Variants in DGKI observed in about 807,000 individuals in gnomAD.
The protein encoded by DGKI is diacylglycerol kinase iota.
Under a neutral mutation model 147.5 loss-of-function variants are expected in DGKI, and 55 were observed. That is an observed-to-expected ratio of 0.37 (90% CI 0.30 to 0.47). The LOEUF is 0.47. Ranked by LOEUF, DGKI falls within the 20% of genes least tolerant of loss-of-function variation. The pLI, the probability that DGKI is intolerant of heterozygous loss-of-function variation, is 1.00. For missense variants in DGKI, 1,007 were observed against 1,323.8 expected (o/e 0.76, Z 3.71); for synonymous variants, 469 against 477.1 (o/e 0.98, Z 0.22).
intron 27 of DGKI, chr7:137,453,253 G>C (rs1326764827): frequency 6.6e-6 from 1 of 152,162 alleles, no homozygotes; most frequent in Non-Finnish European, 1.5e-5. Flanking sequence ...CTTCCCTTGA[G>C]CATCTCTCAA....
intron 27 of DGKI, among the ~76,000 whole-genome samples, chr7:137,453,824 T>C (rs1814073260): frequency 6.6e-6 from 1 of 152,174 alleles, no homozygotes; most frequent in Admixed American, 6.5e-5. Context: ...TACAAATTTC[T>C]ACCAATTCCC....
At chr7:137,533,834 C>G (rs1817426170) in intron 20 of DGKI, among the ~76,000 whole-genome samples, 1 of 151,850 alleles carries the variant, frequency 6.6e-6, no homozygotes, top group Non-Finnish European at 1.5e-5. Flanking sequence ...TATAATGGCC[C>G]AAGATGAAAA....
chr7:137,803,287 TC>T (rs1398264335), intron 1 of DGKI, among the ~76,000 whole-genome samples: 3 of 152,176 alleles, frequency 2.0e-5, no homozygotes, highest in African/African-American at 7.2e-5. Flanking sequence ...GGGGCTGTGA[TC>T]ACTCTTCAGA....
At chr7:137,752,173 G>C (rs1056494383) in intron 1 of DGKI, among the ~76,000 whole-genome samples, 3 of 152,064 alleles carry the variant, frequency 2.0e-5, no homozygotes, top group Admixed American at 1.3e-4. Flanking sequence ...AAAGTTGTGG[G>C]GGGAGCAAAG....
intron 21 of DGKI, among the ~76,000 whole-genome samples, chr7:137,509,738 C>T (rs1816512213): frequency 2.0e-5 from 3 of 152,030 alleles, no homozygotes; most frequent in Admixed American, 2.0e-4. Context: ...GTGTTATAGA[C>T]AGAATTGGGG....
chr7:137,644,291 A>G (rs1017454066), intron 6 of DGKI, among the ~76,000 whole-genome samples: 3 of 152,226 alleles, frequency 2.0e-5, no homozygotes, highest in African/African-American at 7.2e-5. Flanking sequence ...TTTACAGGAT[A>G]AAAGAGAACC....
chr7:137,470,207 T>A (rs1814826260), intron 23 of DGKI, among the ~76,000 whole-genome samples: 1 of 152,198 alleles, frequency 6.6e-6, no homozygotes, highest in Non-Finnish European at 1.5e-5. Context: ...GGTTAACTCA[T>A]GACAAAATCA....
intron 23 of DGKI, among the ~76,000 whole-genome samples, chr7:137,483,865 A>T (rs1189070639): frequency 6.6e-6 from 1 of 151,984 alleles, no homozygotes; most frequent in Admixed American, 6.6e-5. Flanking sequence ...ATTTGGGTTG[A>T]TTCCATGTCT....
At chr7:137,633,450 A>G (rs1821205925) in intron 6 of DGKI, among the ~76,000 whole-genome samples, 1 of 152,200 alleles carries the variant, frequency 6.6e-6, no homozygotes, top group Admixed American at 6.5e-5. Context: ...AATCAATGTC[A>G]CATTCTTAAG....
intron 1 of DGKI, among the ~76,000 whole-genome samples, chr7:137,737,763 T>C (rs2116693511): frequency 6.6e-6 from 1 of 152,210 alleles, no homozygotes; most frequent in South Asian, 2.1e-4. Context: ...CAAATCAATC[T>C]GGAATTAAGC....
At chr7:137,742,399 C>T (rs192542855) in intron 1 of DGKI, among the ~76,000 whole-genome samples, 1 of 152,156 alleles carries the variant, frequency 6.6e-6, no homozygotes, top group Non-Finnish European at 1.5e-5. Context: ...AAGCAGAGAA[C>T]CTCAAATTTG....
chr7:137,813,116 G>C (rs968144096), intron 1 of DGKI, among the ~76,000 whole-genome samples: 3 of 152,144 alleles, frequency 2.0e-5, no homozygotes, highest in African/African-American at 7.2e-5. Context: ...ACCCTAAGAG[G>C]CAGGGTCCAC....
At chr7:137,585,461 GT>G (rs2128983052) in intron 13 of DGKI, 115 bp from the exon 14 acceptor site, 1 of 1,308,040 alleles carries the variant, frequency 7.6e-7, no homozygotes, top group African/African-American at 1.5e-5. Flanking sequence ...AATTAGCAAG[GT>G]TTGAAGAGCA....
At chr7:137,397,484 G>GAGCATATCGTAGGTAATT in intron 30 of DGKI, 71 bp from the exon 31 acceptor site, 1 of 1,492,188 alleles carries the variant, frequency 6.7e-7, no homozygotes, top group Non-Finnish European at 9.2e-7. Context: ...AAAATCTATA[G>GAGCATATCGTAGGTAATT]TCACAGAATT....
intron 23 of DGKI, among the ~76,000 whole-genome samples, chr7:137,477,278 A>C (rs1476903816): frequency 6.6e-6 from 1 of 152,268 alleles, no homozygotes; most frequent in Non-Finnish European, 1.5e-5. Context: ...CATGTGAAGA[A>C]AAATCCAATT....
At chr7:137,409,642 C>T (rs1257457868) in intron 29 of DGKI, among the ~76,000 whole-genome samples, 2 of 152,190 alleles carry the variant, frequency 1.3e-5, no homozygotes, top group Admixed American at 6.5e-5. Context: ...CATTCAACTG[C>T]GTTGTCTTAA....
intron 15 of DGKI, among the ~76,000 whole-genome samples, chr7:137,581,035 G>A (rs910129680): frequency 6.6e-6 from 1 of 152,170 alleles, no homozygotes; most frequent in Admixed American, 6.5e-5. Flanking sequence ...TAAGAACAGA[G>A]TTTAAGAGAC....
At chr7:137,811,968 A>G (rs1207322889) in intron 1 of DGKI, among the ~76,000 whole-genome samples, 1 of 152,150 alleles carries the variant, frequency 6.6e-6, no homozygotes, top group Non-Finnish European at 1.5e-5. Flanking sequence ...TATATATTTT[A>G]GCTTGTTTTG....
chr7:137,476,497 C>T (rs964418147), intron 23 of DGKI, among the ~76,000 whole-genome samples: 1 of 152,058 alleles, frequency 6.6e-6, no homozygotes, highest in Non-Finnish European at 1.5e-5. Context: ...ATATATGTTA[C>T]TATCAGAATT....
Sources: allele counts gnomAD v4.1 joint callset (sites outside exome capture counted in the v4.1 genomes callset), GRCh38; gene constraint gnomAD v4.1.1; transcripts MANE v1.5; gene names NCBI Gene and HGNC (gene_info 2026-07-23, HGNC 2026-07-21).